Variants in GSE1 observed in about 807,000 individuals in gnomAD.
GSE1 encodes the protein genetic suppressor element 1.
GSE1 carries 32 observed loss-of-function variants against 112.6 expected under a neutral mutation model. The ratio of observed to expected loss-of-function variants is 0.28; its 90% CI spans 0.21 to 0.38. The LOEUF (loss-of-function observed/expected upper bound fraction) is 0.38. Ranked by LOEUF, GSE1 falls within the 10% of genes least tolerant of loss-of-function variation. GSE1 has a pLI of 1.00. For missense variants in GSE1, 2,348 were observed against 1,699.2 expected (o/e 1.38, Z -6.71); for synonymous variants, 1,115 against 735.6 (o/e 1.52, Z -8.35).
At chr16:85,348,638 C>T (rs1161015824) in intron 1 of GSE1, among the ~76,000 whole-genome samples, 1 of 152,192 alleles carries the variant, frequency 6.6e-6, no homozygotes, top group Non-Finnish European at 1.5e-5. Flanking sequence ...AACCTCTGCC[C>T]ACTTTCTGTC....
intron 2 of GSE1, among the ~76,000 whole-genome samples, chr16:85,383,527 GTCTCTCTCTC>G (rs55919597): frequency 0.025 from 3,242 of 130,660 alleles, 125 homozygotes; most frequent in African/African-American, 0.079. Flanking sequence ...GCACACCTGC[GTCTCTCTCTC>G]TCTCTCTCTC....
chr16:85,651,910 T>C (rs956926567), intron 3 of GSE1, among the ~76,000 whole-genome samples: 1 of 152,176 alleles, frequency 6.6e-6, no homozygotes, highest in Non-Finnish European at 1.5e-5. Flanking sequence ...CCACTCCGTC[T>C]TGTTAAGTCC....
chr16:85,249,222 A>G (rs1397955476), intron 1 of GSE1, among the ~76,000 whole-genome samples: 1 of 152,234 alleles, frequency 6.6e-6, no homozygotes, highest in African/African-American at 2.4e-5. Context: ...CCAGTAGCCC[A>G]GTATACCCAG....
chr16:85,273,636 G>A (rs1226269929), intron 1 of GSE1, among the ~76,000 whole-genome samples: 5 of 152,180 alleles, frequency 3.3e-5, no homozygotes, highest in African/African-American at 1.2e-4. Context: ...GACTGGTGCT[G>A]CCAGGGGCTG....
chr16:85,654,975 C>A lies in GSE1; in HGVS notation c.781C>A (p.Pro261Thr). 6.3e-7 allele frequency: 1 copy of A among 1,594,576 alleles called. No homozygotes were observed. The highest frequency in any genetic ancestry group is 1.7e-4 in the Middle Eastern group (1 of 6,004). The change falls in exon 5 of 16, where the codon CCC becomes ACC. Residue 261 changes from proline (P) to threonine (T), a missense_variant. Physicochemically the swap from Pro to Thr is conservative, Grantham distance 38 (BLOSUM62 -1). Coordinates refer to ENST00000253458, the MANE Select transcript of GSE1 (RefSeq NM_014615.5). ...HPSYLAPHPFPHPAFRMDDSY... is the reference protein window; with the variant it reads ...HPSYLAPHPFTHPAFRMDDSY... ...CAGCTACCTGGCCCCACACCCCTTC[C>A]CCCACCCGGCCTTCAGGTGAGGCAT...
At chr16:85,542,848 G>C (rs1442892836) in intron 2 of GSE1, among the ~76,000 whole-genome samples, 9 of 152,218 alleles carry the variant, frequency 5.9e-5, no homozygotes, top group African/African-American at 1.9e-4. Flanking sequence ...TGCAGCAGCT[G>C]CTGCAATACA....
intron 2 of GSE1, among the ~76,000 whole-genome samples, chr16:85,381,060 T>G (rs184448710): frequency 3.3e-5 from 5 of 152,230 alleles, no homozygotes; most frequent in Admixed American, 6.5e-5. Flanking sequence ...AAACATTTCG[T>G]CACCCCAAAA....
At chr16:85,552,057 G>A (rs1367296971), upstream of GSE1, among the ~76,000 whole-genome samples, 2 of 151,268 alleles carry the variant, frequency 1.3e-5, no homozygotes, top group African/African-American at 4.9e-5. Flanking sequence ...ACGGAGTCTC[G>A]CTCTGTCGCC....
intron 1 of GSE1, among the ~76,000 whole-genome samples, chr16:85,292,143 T>C (rs1387561614): frequency 1.5e-5 from 2 of 129,620 alleles, no homozygotes; most frequent in Non-Finnish European, 3.2e-5. Flanking sequence ...AGAATGAACC[T>C]TTTTTTTTTT....
At chr16:85,475,985 C>T (rs1179073468) in intron 2 of GSE1, among the ~76,000 whole-genome samples, 1 of 152,100 alleles carries the variant, frequency 6.6e-6, no homozygotes, top group Non-Finnish European at 1.5e-5. Context: ...AGTTGGAGTG[C>T]AGTGACACGA....
chr16:85,664,972 A>C, intron 11 of GSE1, 43 bp from the exon 12 acceptor site: 1 of 1,276,966 alleles, frequency 7.8e-7, no homozygotes, highest in South Asian at 1.2e-5. Flanking sequence ...TCTCCAAAAA[A>C]TGATGCAACT....
intron 1 of GSE1, among the ~76,000 whole-genome samples, chr16:85,614,035 C>T (rs992902460): frequency 2.0e-5 from 3 of 151,662 alleles, no homozygotes; most frequent in African/African-American, 4.8e-5. Context: ...CGGGCTCGGC[C>T]GCTTCTCTCC....
At chr16:85,328,468 G>T (rs970217678) in intron 1 of GSE1, among the ~76,000 whole-genome samples, 1 of 152,196 alleles carries the variant, frequency 6.6e-6, no homozygotes, top group Non-Finnish European at 1.5e-5. Flanking sequence ...GCCTTCCCCC[G>T]CCCGCCTAGA....
At chr16:85,460,719 C>T (rs1189451614) in intron 2 of GSE1, among the ~76,000 whole-genome samples, 5 of 151,974 alleles carry the variant, frequency 3.3e-5, no homozygotes, top group Admixed American at 6.6e-5. Flanking sequence ...AGCACCCATG[C>T]GCAGACACGG....
intron 1 of GSE1, among the ~76,000 whole-genome samples, chr16:85,178,323 G>T (rs995317264): frequency 6.6e-6 from 1 of 152,064 alleles, no homozygotes; most frequent in African/African-American, 2.4e-5. Context: ...GATGTTGGGG[G>T]GTAATGTGCT....
intron 1 of GSE1, among the ~76,000 whole-genome samples, chr16:85,575,633 G>A (rs1351641987): frequency 1.3e-5 from 2 of 151,972 alleles, no homozygotes; most frequent in East Asian, 3.9e-4. Context: ...CATTTTATAG[G>A]GTTTTTTTCC....
At chr16:85,498,921 G>C (rs577244304) in intron 2 of GSE1, among the ~76,000 whole-genome samples, 1 of 152,258 alleles carries the variant, frequency 6.6e-6, no homozygotes, top group Non-Finnish European at 1.5e-5. Flanking sequence ...GGCCGTGAGC[G>C]GCATTGCACA....
intron 2 of GSE1, among the ~76,000 whole-genome samples, chr16:85,362,050 G>T (rs2047093029): frequency 1.3e-5 from 2 of 152,182 alleles, no homozygotes; most frequent in Admixed American, 1.3e-4. Context: ...CCACTTGCTG[G>T]CTGCCGGGAG....
chr16:85,176,334 C>A (rs1165043077), intron 1 of GSE1, among the ~76,000 whole-genome samples: 2 of 152,246 alleles, frequency 1.3e-5, no homozygotes, highest in African/African-American at 4.8e-5. Context: ...GCCCACCCCT[C>A]CTTGCCACAG....
Sources: gnomAD v4.1 joint callset for allele counts (sites outside exome capture counted in the v4.1 genomes callset) on GRCh38, gnomAD v4.1.1 for gene constraint, MANE v1.5 for transcripts, NCBI Gene and HGNC (gene_info 2026-07-23, HGNC 2026-07-21) for gene names.